Variants in TXNDC16 observed in about 807,000 individuals in gnomAD.
The protein encoded by TXNDC16 is thioredoxin domain-containing protein 16.
In TXNDC16, 74 loss-of-function variants were observed where a neutral mutation model predicts 85.6. The observed-to-expected ratio is 0.86, with a 90% CI of 0.72 to 1.05. The LOEUF (loss-of-function observed/expected upper bound fraction) is 1.05, where lower values mean the gene tolerates loss of function less well. TXNDC16 is among the 50% of genes least tolerant of loss of function. The pLI is 0.00. For missense variants in TXNDC16, 959 were observed against 947.0 expected (o/e 1.01, Z -0.17); for synonymous variants, 335 against 326.5 (o/e 1.03, Z -0.28).
intron 8 of TXNDC16, among the ~76,000 whole-genome samples, chr14:52,513,871 G>C (rs1050311428): frequency 2.0e-5 from 3 of 152,026 alleles, no homozygotes; most frequent in African/African-American, 7.2e-5. Flanking sequence ...CTAACCCTCA[G>C]AGAAACTGCG....
At chr14:52,543,655 A>G in intron 2 of TXNDC16, 25 bp from the exon 3 acceptor site, 1 of 1,361,326 alleles carries the variant, frequency 7.3e-7, no homozygotes. Context: ...GTATTCAACA[A>G]GAGTTTGTTG....
At chr14:52,482,755 G>A (rs1033303874) in intron 13 of TXNDC16, 67 bp downstream of exon 13, 48 of 1,445,476 alleles carry the variant, frequency 3.3e-5, no homozygotes, top group Non-Finnish European at 4.1e-5. Context: ...TACATGGAAT[G>A]CCAAAAATTA....
intron 8 of TXNDC16, among the ~76,000 whole-genome samples, chr14:52,513,826 A>C (rs1372328992): frequency 6.6e-6 from 1 of 152,114 alleles, no homozygotes; most frequent in Non-Finnish European, 1.5e-5. Flanking sequence ...TAACTAAAAA[A>C]TATAGAGGCT....
In TXNDC16 at chr14:52,443,033, CT is replaced by C. The variant is rs2035201229; in HGVS notation, c.1843-2310del. On this transcript the variant is annotated intron_variant, in intron 18 of 20. Coordinates refer to ENST00000281741, the MANE Select transcript of TXNDC16 (RefSeq NM_020784.3). ...TGTGATGGTTAATACTAAGTGTCAA[CT>C]TGATTGGATTGAGGGATGTAAAGTA... 2.6e-5 allele frequency among the ~76,000 whole-genome samples: 4 copies of C among 152,004 alleles called. No individual in the cohort carries two copies. The South Asian group carries it at 8.3e-4, about 31-fold the overall frequency.
intron 17 of TXNDC16, 68 bp downstream of exon 17, chr14:52,457,022 G>T: frequency 9.1e-7 from 1 of 1,103,148 alleles, no homozygotes; most frequent in Non-Finnish European, 1.3e-6. Context: ...GTAAATATAA[G>T]CAATTATTAG....
intron 14 of TXNDC16, among the ~76,000 whole-genome samples, chr14:52,473,874 G>A (rs948176273): frequency 6.8e-6 from 1 of 147,662 alleles, no homozygotes; most frequent in African/African-American, 2.6e-5. Context: ...AAAGACAGAT[G>A]ATAGGACTAA....
intron 18 of TXNDC16, among the ~76,000 whole-genome samples, chr14:52,444,063 G>A (rs2035225394): frequency 6.6e-6 from 1 of 152,142 alleles, no homozygotes; most frequent in African/African-American, 2.4e-5. Flanking sequence ...GACAAAAGAG[G>A]ACTGAATTAC....
At chr14:52,484,212 T>G (rs143222317) in intron 12 of TXNDC16, among the ~76,000 whole-genome samples, 1 of 148,634 alleles carries the variant, frequency 6.7e-6, no homozygotes, top group East Asian at 2.0e-4. Flanking sequence ...GGGGGGGTGA[T>G]TGGAGCAGAA....
rs1368723994 is a variant in TXNDC16, at chr14:52,506,589, G to A, written c.756+4651C>T. Among the ~76,000 whole-genome samples the A allele has an allele frequency of 1.8e-4, 20 of 111,816 alleles. 3 individuals are homozygous for A. Among genetic ancestry groups the A allele is most frequent in the African/African-American group, 4.1e-4 (11 of 26,782 alleles). The allele number at this position is 111,816 out of a possible 152,430, so 73.4% of individuals were successfully genotyped here. ...TTTTGAGACGGAGTCTCGCTCTGTC[G>A]CCCAGGCCAGACTGCGGACTGCAGT... On this transcript the variant is annotated intron_variant, in intron 9 of 20. Transcript: ENST00000281741.
intron 6 of TXNDC16, among the ~76,000 whole-genome samples, chr14:52,533,028 C>A (rs894485682): frequency 2.8e-4 from 42 of 152,210 alleles, no homozygotes; most frequent in African/African-American, 9.6e-4. Context: ...TGGAATTCTA[C>A]TTCCTTGATA....
intron 1 of TXNDC16, among the ~76,000 whole-genome samples, chr14:52,549,542 G>A (rs1035725459): frequency 2.6e-5 from 4 of 152,114 alleles, no homozygotes; most frequent in South Asian, 2.1e-4. Context: ...CCTTAGGCAG[G>A]TAGAACAGCT....
chr14:52,432,271 C>T lies in TXNDC16; in HGVS notation c.*33G>A. 2 of 1,539,088 alleles carry T rather than the reference C, an allele frequency of 1.3e-6. No individual in the cohort carries two copies. The highest frequency in any genetic ancestry group is 1.7e-6 in the Non-Finnish European group (2 of 1,147,872). On this transcript the variant is annotated 3_prime_UTR_variant, in exon 21 of 21. Transcript: ENST00000281741. Reference sequence around the variant, plus strand: ...AGGAAATAAATTAAGTCTATCATGCCAAAAAAATTTTGGAAACCACAGCCC... The same window carrying T: ...AGGAAATAAATTAAGTCTATCATGCTAAAAAAATTTTGGAAACCACAGCCC...
At chr14:52,517,799 C>T (rs757473115) in intron 7 of TXNDC16, among the ~76,000 whole-genome samples, 30 of 152,172 alleles carry the variant, frequency 2.0e-4, no homozygotes, top group Admixed American at 1.3e-4. Flanking sequence ...CTCCTAACTC[C>T]ATATATTCTT....
intron 9 of TXNDC16, among the ~76,000 whole-genome samples, chr14:52,504,639 A>G (rs992541868): frequency 1.8e-4 from 27 of 152,246 alleles, no homozygotes; most frequent in African/African-American, 6.3e-4. Context: ...AAGACCATCA[A>G]TGCTAGGAAG....
chr14:52,542,232 C>T, intron 4 of TXNDC16, 139 bp downstream of exon 4: 1 of 599,756 alleles, frequency 1.7e-6, no homozygotes, highest in Non-Finnish European at 2.9e-6. Context: ...TTCTGGGCTT[C>T]TGTTTATTCT....
intron 9 of TXNDC16, among the ~76,000 whole-genome samples, chr14:52,505,997 C>T (rs1176601723): frequency 2.0e-5 from 3 of 152,162 alleles, no homozygotes; most frequent in South Asian, 2.1e-4. Flanking sequence ...TTCCTCGACA[C>T]GTAGACTCTC....
At chr14:52,546,985 C>T (rs1028725790) in intron 1 of TXNDC16, among the ~76,000 whole-genome samples, 1 of 152,094 alleles carries the variant, frequency 6.6e-6, no homozygotes, top group South Asian at 2.1e-4. Flanking sequence ...ACCTATGTTC[C>T]CGTGGCTAAT....
At chr14:52,517,494 C>A (rs1348866032) in intron 7 of TXNDC16, among the ~76,000 whole-genome samples, 1 of 152,088 alleles carries the variant, frequency 6.6e-6, no homozygotes, top group Admixed American at 6.6e-5. Flanking sequence ...TCACTGAGAA[C>A]AAACAACCAA....
rs555774551 is a variant in TXNDC16, at chr14:52,505,040, G to C, written c.756+6200C>G. On this transcript the variant is annotated intron_variant, in intron 9 of 20. Transcript: ENST00000281741. ...AGCTAACTATCGTAAATATATATGC[G>C]CCCAATATAGGAGTAACCAGATTCA... 7.9e-5 allele frequency among the ~76,000 whole-genome samples: 12 copies of C among 152,196 alleles called. No individual in the cohort carries two copies. The South Asian group carries it at 2.5e-3, about 32-fold the overall frequency.
Sources: gnomAD v4.1 joint callset for allele counts (sites outside exome capture counted in the v4.1 genomes callset) on GRCh38, gnomAD v4.1.1 for gene constraint, MANE v1.5 for transcripts, NCBI Gene and HGNC (gene_info 2026-07-23, HGNC 2026-07-21) for gene names.